Variants in CNST observed in about 807,000 individuals in gnomAD.
The protein encoded by CNST is consortin, connexin sorting protein, also known as consortin.
In CNST, 39 loss-of-function variants were observed where a neutral mutation model predicts 72.4. The observed-to-expected ratio is 0.54, with a 90% confidence interval of 0.42 to 0.70. The LOEUF (loss-of-function observed/expected upper bound fraction) is 0.70, where lower values mean the gene tolerates loss of function less well. CNST is among the 30% of genes least tolerant of loss of function. The pLI is 0.00. For missense variants in CNST, 871 were observed against 868.5 expected (o/e 1.00, Z -0.04); for synonymous variants, 332 against 320.1 (o/e 1.04, Z -0.40).
chr1:246,660,368 A>G lies in CNST; in HGVS notation c.1972+34A>G, dbSNP rs753911183. The G allele has an allele frequency of 4.4e-6, 7 of 1,596,082 alleles. No individual in the cohort carries two copies. In the South Asian group the frequency reaches 6.8e-5, roughly 16 times the overall value. ...CTTGGCACTGTGGCTAGCAGGATAG[A>G]TGCTCAGTGTTTGCTGAAAGGATGA... On this transcript the variant is annotated intron_variant, in intron 10 of 10. Transcript: ENST00000366513.
chr1:246,639,143 G>A (rs1347465667), intron 6 of CNST, among the ~76,000 whole-genome samples: 14 of 152,194 alleles, frequency 9.2e-5, no homozygotes. Flanking sequence ...TGGAGGGCGG[G>A]TCCCTTAGAC....
rs888800041 is a variant in CNST at position 246,647,139 on chromosome 1, A to G, written c.938A>G (p.Glu313Gly). ...KEGGATTKES[E>G]SKTCLGTESS... ...ACAATTTATTTTTCTTCATCTTTAG[A>G]GAGTAAAACTTGTCTCGGCACAGAG... Residue 313 changes from glutamate (E) to glycine (G), a missense_variant and splice_region_variant, in exon 9 of 11, where the codon GAG (glutamate) becomes GGG (glycine). Glu to Gly is a moderately conservative substitution (Grantham distance 98). Transcript: ENST00000366513. The G allele has an allele frequency of 1.7e-5, 27 of 1,602,384 alleles. No homozygotes were observed. Among genetic ancestry groups the G allele is most frequent in the Non-Finnish European group, 2.0e-5 (23 of 1,175,458 alleles).
chr1:246,570,589 A>G (rs1398414229), intron 1 of CNST, among the ~76,000 whole-genome samples: 1 of 152,196 alleles, frequency 6.6e-6, no homozygotes, highest in Admixed American at 6.5e-5. Context: ...TGTAGGGACT[A>G]TGGGGAGTGT....
chr1:246,643,478 T>G (rs528414510), intron 8 of CNST, among the ~76,000 whole-genome samples: 1 of 152,324 alleles, frequency 6.6e-6, no homozygotes, highest in Non-Finnish European at 1.5e-5. Flanking sequence ...AGTTTGAGAC[T>G]TACTTAGCAT....
chr1:246,607,878 C>G (rs373976141), intron 2 of CNST: 2 of 152,058 alleles, frequency 1.3e-5, no homozygotes, highest in Non-Finnish European at 2.9e-5. Context: ...GCCAAGAGAT[C>G]GCGACCATCC....
rs1370563751 is a variant in CNST, at chr1:246,647,824, C to G, written c.1623C>G (p.Asn541Lys). 15 of 1,614,016 alleles carry G rather than the reference C, an allele frequency of 9.3e-6. No individual in the cohort carries two copies. The highest frequency in any genetic ancestry group is 1.2e-5 in the Non-Finnish European group (14 of 1,180,010). ...EEKGDKDDQLNKETEDYLNSL... is the reference protein window; with the variant it reads ...EEKGDKDDQLKKETEDYLNSL... The stretch of plus-strand genomic sequence containing the variant: ...AGGGAGATAAAGACGACCAACTCAA[C>G]AAAGAAACAGAAGACTATTTGAACA... Residue 541 changes from asparagine to lysine, a missense_variant, in exon 9 of 11, where the codon AAC becomes AAG. Coordinates refer to ENST00000366513, the MANE Select transcript of CNST (RefSeq NM_152609.3).
At chr1:246,626,240 G>C (rs1036473405) in intron 3 of CNST, among the ~76,000 whole-genome samples, 2 of 151,658 alleles carry the variant, frequency 1.3e-5, no homozygotes, top group Admixed American at 1.3e-4. Context: ...TTGTAGAGAC[G>C]GGGTTTCACC....
At chr1:246,639,400 G>C (rs756995191) in intron 6 of CNST, among the ~76,000 whole-genome samples, 1 of 152,152 alleles carries the variant, frequency 6.6e-6, no homozygotes, top group Non-Finnish European at 1.5e-5. Flanking sequence ...TCCTAGAAAA[G>C]AGAGAATTTC....
At chr1:246,642,099 C>G in intron 8 of CNST, 62 bp downstream of exon 8, 1 of 617,474 alleles carries the variant, frequency 1.6e-6, no homozygotes, top group South Asian at 1.9e-5. Context: ...TGATCTTTTA[C>G]AAGTGATACA....
chr1:246,648,676 A>G (rs1490190111), intron 9 of CNST, among the ~76,000 whole-genome samples: 1 of 152,242 alleles, frequency 6.6e-6, no homozygotes, highest in African/African-American at 2.4e-5. Flanking sequence ...GTAGAGCAGA[A>G]TTCGATTGCC....
intron 3 of CNST, 89 bp downstream of exon 3, chr1:246,621,723 A>C (rs537668825): frequency 7.9e-6 from 9 of 1,139,332 alleles, no homozygotes; most frequent in Admixed American, 6.8e-5. Context: ...GGCTGGGCGC[A>C]GTGGCTCATG....
Position 246,647,341 on chromosome 1 carries a change from A to G in CNST, c.1140A>G (p.Thr380=). The G allele has an allele frequency of 1.2e-6, 2 of 1,614,178 alleles. No individual in the cohort carries two copies. Among genetic ancestry groups the G allele is most frequent in the Non-Finnish European group, 1.7e-6 (2 of 1,180,026 alleles). ...CGCTCCACACCCAGTCCTCCGAGAC[A>G]GCAGGGAGCCCGTCTGGGCCAGACT... is the stretch of plus-strand genomic sequence containing the variant. ...TLALHTQSSE[T]AGSPSGPDSS... Residue 380 remains threonine (T), a synonymous_variant, in exon 9 of 11, where the codon ACA becomes ACG. Coordinates refer to ENST00000366513, the MANE Select transcript of CNST (RefSeq NM_152609.3).
intron 2 of CNST, among the ~76,000 whole-genome samples, chr1:246,595,355 C>A (rs931857028): frequency 6.6e-6 from 1 of 152,170 alleles, no homozygotes; most frequent in Non-Finnish European, 1.5e-5. Flanking sequence ...ATCACCCGGT[C>A]TGAGTAATGT....
At chr1:246,577,752 T>C (rs1262874474) in intron 1 of CNST, among the ~76,000 whole-genome samples, 2 of 152,104 alleles carry the variant, frequency 1.3e-5, no homozygotes, top group Non-Finnish European at 2.9e-5. Flanking sequence ...TTAAAATAAA[T>C]TTGACCCTGG....
Position 246,642,016 on chromosome 1 carries a change from G to A in CNST, c.916G>A (p.Gly306Arg). Residue 306 changes from glycine to arginine, a missense_variant, in exon 8 of 11, where the codon GGA (glycine) becomes AGA (arginine). Transcript: ENST00000366513. ...LLVSEDPKEG[G>R]ATTKESESKT... ...AGTGTCTGAAGATCCAAAGGAAGGAGGAGCTACCACCAAAGAGTCAGGTAT... is the reference window on the plus strand; with the variant it reads ...AGTGTCTGAAGATCCAAAGGAAGGAAGAGCTACCACCAAAGAGTCAGGTAT... 1 of 1,609,710 alleles carries A rather than the reference G, an allele frequency of 6.2e-7. No homozygotes were observed. The highest frequency in any genetic ancestry group is 8.5e-7 in the Non-Finnish European group (1 of 1,177,056).
chr1:246,577,351 C>T (rs11580195), intron 1 of CNST, among the ~76,000 whole-genome samples: 35,396 of 151,836 alleles, frequency 0.23, 4,893 homozygotes, highest in Middle Eastern at 0.32. Context: ...CTCCTTATTC[C>T]GGTTCTCTTT....
At chr1:246,658,149 C>CT (rs1393124798) in intron 9 of CNST, among the ~76,000 whole-genome samples, 4 of 151,992 alleles carry the variant, frequency 2.6e-5, no homozygotes, top group South Asian at 2.1e-4. Flanking sequence ...AGATCCTCTC[C>CT]TTTTTTTTAC....
At chr1:246,567,910 C>A (rs1232005014) in intron 1 of CNST, among the ~76,000 whole-genome samples, 2 of 152,062 alleles carry the variant, frequency 1.3e-5, no homozygotes, top group African/African-American at 4.8e-5. Flanking sequence ...CCCTCCAGGA[C>A]CTGGAGTCCT....
intron 2 of CNST, chr1:246,606,988 A>C (rs1195583442): frequency 6.6e-6 from 1 of 151,190 alleles, no homozygotes; most frequent in Non-Finnish European, 1.5e-5. Flanking sequence ...TGGTGTTTGT[A>C]CAGTTCCAGG....
Sources: gnomAD v4.1 joint callset for allele counts (sites outside exome capture counted in the v4.1 genomes callset) on GRCh38, gnomAD v4.1.1 for gene constraint, MANE v1.5 for transcripts, NCBI Gene and HGNC (gene_info 2026-07-23, HGNC 2026-07-21) for gene names.